The following TMPRSS3 variants were observed in gnomAD, a reference collection of about 807,000 sequenced individuals.
The protein encoded by TMPRSS3 is transmembrane protease serine 3.
Under a neutral mutation model 59.6 loss-of-function variants are expected in TMPRSS3, and 55 were observed. The observed-to-expected ratio is 0.92, with a 90% CI of 0.74 to 1.16. The LOEUF (loss-of-function observed/expected upper bound fraction) is 1.16. Among genes scored for constraint, TMPRSS3 ranks in the 50% most tolerant of loss-of-function variants. The probability of loss-of-function intolerance (pLI) is 0.00; values close to 1 mark genes in which losing one functional copy is unlikely to be tolerated. For missense variants in TMPRSS3, 596 were observed against 579.4 expected (o/e 1.03, Z -0.29); for synonymous variants, 257 against 237.7 (o/e 1.08, Z -0.75).
chr21:42,373,629 C>T (rs960199951), intron 12 of TMPRSS3, among the ~76,000 whole-genome samples: 1 of 152,236 alleles, frequency 6.6e-6, no homozygotes. Flanking sequence ...AGAGAGGCTT[C>T]TGCACCCCTA....
intron 3 of TMPRSS3, 190 bp from the exon 4 acceptor site, chr21:42,389,235 G>T: frequency 8.6e-7 from 1 of 1,164,642 alleles, no homozygotes. Context: ...TGGGGCTGCT[G>T]TGCCCCACTT....
In TMPRSS3 at chr21:42,383,199, C is replaced by CTA. The variant is rs34966432; in HGVS notation, c.617-3_617-2dup. 154,640 of 1,613,862 alleles carry CTA rather than the reference C, an allele frequency of 0.096. 9,652 individuals are homozygous for CTA. Among genetic ancestry groups the CTA allele is most frequent in the East Asian group, 0.31 (14,033 of 44,838 alleles). Reference sequence around the variant, plus strand: ...CTGTAGCCCCTTCTATGACCACAGGCTATGGAGGGGAACAAAGGCTTGTGG... The same window carrying CTA: ...CTGTAGCCCCTTCTATGACCACAGGCTATATGGAGGGGAACAAAGGCTTGTGG... On this transcript the variant is annotated splice_acceptor_variant, in intron 7 of 12. Coordinates refer to ENST00000644384, the MANE Select transcript of TMPRSS3 (RefSeq NM_001256317.3). LOFTEE classifies it high-confidence loss of function.
chr21:42,375,044 A>G (rs2052397542), intron 12 of TMPRSS3, among the ~76,000 whole-genome samples: 1 of 152,008 alleles, frequency 6.6e-6, no homozygotes, highest in South Asian at 2.1e-4. Flanking sequence ...CGCCCACATG[A>G]GAAAGGCGCC....
intron 12 of TMPRSS3, among the ~76,000 whole-genome samples, 174 bp from the exon 13 acceptor site, chr21:42,372,953 G>A (rs1470519512): frequency 6.6e-6 from 1 of 152,154 alleles, no homozygotes; most frequent in African/African-American, 2.4e-5. Flanking sequence ...TCCCAGGCAG[G>A]CATGAAAAGC....
At chr21:42,383,436 G>C in intron 7 of TMPRSS3, 1 of 595,712 alleles carries the variant, frequency 1.7e-6, no homozygotes, top group East Asian at 2.8e-5. Context: ...CACCTGCCCT[G>C]CTTGGTCAGT....
At chr21:42,376,799 G>C (rs1395678396) in intron 10 of TMPRSS3, 116 bp from the exon 11 acceptor site, 2 of 1,507,750 alleles carry the variant, frequency 1.3e-6, no homozygotes, top group Admixed American at 1.7e-5. Flanking sequence ...ATGCTCTCTG[G>C]TGTGTCGCAA....
intron 10 of TMPRSS3, among the ~76,000 whole-genome samples, chr21:42,379,214 G>A (rs576005194): frequency 6.6e-6 from 1 of 151,530 alleles, no homozygotes; most frequent in African/African-American, 2.4e-5. Flanking sequence ...TTTTTGTAGA[G>A]ACAGGGTCTT....
intron 2 of TMPRSS3, among the ~76,000 whole-genome samples, chr21:42,391,642 A>T (rs1285815434): frequency 6.6e-6 from 1 of 152,230 alleles, no homozygotes; most frequent in East Asian, 1.9e-4. Flanking sequence ...CGGCATACAC[A>T]GGCTGCTCCA....
chr21:42,389,041 G>C lies in TMPRSS3; in HGVS notation c.210C>G (p.His70Gln). 2 of 1,614,154 alleles carry C rather than the reference G, an allele frequency of 1.2e-6. No individual in the cohort carries two copies. The highest frequency in any genetic ancestry group is 1.7e-6 in the Non-Finnish European group (2 of 1,180,028). ...ATCTGTACTTCCCTGAGCAGTCGAAGTGGACTGGGAAAAGGGAGGAAGGCA... is the reference window on the plus strand; with the variant it reads ...ATCTGTACTTCCCTGAGCAGTCGAACTGGACTGGGAAAAGGGAGGAAGGCA... ...ILALAIGLGI[H>Q]FDCSGKYRCR... The change falls in exon 4 of 13, where the codon CAC becomes CAG. Residue 70 changes from histidine to glutamine, a missense_variant. Transcript: ENST00000644384.
intron 10 of TMPRSS3, among the ~76,000 whole-genome samples, chr21:42,378,932 T>A (rs1185688164): frequency 6.6e-6 from 1 of 152,100 alleles, no homozygotes; most frequent in Non-Finnish European, 1.5e-5. Flanking sequence ...TCACCCAAGC[T>A]GGAGTGGAGT....
At position 42,388,324 on chromosome 21, in the gene TMPRSS3, C is replaced by T; in HGVS notation, c.446+79G>A. 6.2e-7 allele frequency: 1 copy of T among 1,601,064 alleles called. No homozygotes were observed. Among genetic ancestry groups the T allele is most frequent in the East Asian group, 2.2e-5 (1 of 44,784 alleles). On this transcript the variant is annotated intron_variant, in intron 5 of 12. Coordinates refer to ENST00000644384, the MANE Select transcript of TMPRSS3 (RefSeq NM_001256317.3). This position sits in a 1 kb window ranked among gnomAD's most constrained non-coding sequence, Gnocchi z 5.1. ...GAGCGTTAAAGCACCCAATAGTGCCCAACTAAATGGTAGTTGTCTTTCTTT... is the reference window on the plus strand; with the variant it reads ...GAGCGTTAAAGCACCCAATAGTGCCTAACTAAATGGTAGTTGTCTTTCTTT...
intron 8 of TMPRSS3, chr21:42,382,497 G>A: frequency 1.9e-6 from 1 of 523,040 alleles, no homozygotes; most frequent in Non-Finnish European, 3.5e-6. Flanking sequence ...ACTCAACATT[G>A]GTCACTGCAA....
intron 9 of TMPRSS3, 151 bp downstream of exon 9, chr21:42,381,914 T>A (rs1271146713): frequency 5.0e-6 from 5 of 995,670 alleles, no homozygotes; most frequent in Non-Finnish European, 6.3e-6. Flanking sequence ...GATAATCAAC[T>A]GATGCCAACA....
Position 42,396,041 on chromosome 21 carries a change from C to G in TMPRSS3, c.-151G>C, listed in dbSNP as rs771916158. ...AAACACAGCCCTTTCCTGGCTCACACGGGCATGACCTAATTAAGAACGAAA... is the reference window on the plus strand; with the variant it reads ...AAACACAGCCCTTTCCTGGCTCACAGGGGCATGACCTAATTAAGAACGAAA... On this transcript the variant is annotated 5_prime_UTR_variant, in exon 1 of 13. Transcript: ENST00000644384. The G allele has an allele frequency of 3.9e-6, 2 of 518,992 alleles. No individual in the cohort carries two copies. The highest frequency in any genetic ancestry group is 1.4e-5 in the South Asian group (1 of 71,580). 32.1% of individuals were successfully genotyped at this position (518,992 alleles called of 1,614,324 possible).
intron 10 of TMPRSS3, among the ~76,000 whole-genome samples, chr21:42,377,066 GTCAC>G (rs1170980380): frequency 6.6e-6 from 1 of 152,232 alleles, no homozygotes; most frequent in African/African-American, 2.4e-5. Context: ...GCTCAGGAGG[GTCAC>G]TCACTCAGCG....
At position 42,383,070 on chromosome 21, in the gene TMPRSS3, G is replaced by A. The variant is rs376797288; in HGVS notation, c.745C>T (p.Pro249Ser). The A allele has an allele frequency of 9.9e-6, 16 of 1,614,054 alleles. No homozygotes were observed. Among genetic ancestry groups the A allele is most frequent in the South Asian group, 8.8e-5 (8 of 91,086 alleles). Residue 249 changes from proline (P) to serine (S), a missense_variant, in exon 8 of 13, where the codon CCC (proline) becomes TCC (serine). Pro to Ser is a moderately conservative substitution (Grantham distance 74, BLOSUM62 -1). Transcript: ENST00000644384. ...TGTGCAGCAGTGATGATCCACAGGGGCGTGATGACAGAGCCCCCGCACAGG... is the reference window on the plus strand; with the variant it reads ...TGTGCAGCAGTGATGATCCACAGGGACGTGATGACAGAGCCCCCGCACAGG... ...YHLCGGSVITPLWIITAAHCV... is the reference protein window; with the variant it reads ...YHLCGGSVITSLWIITAAHCV...
chr21:42,395,129 G>C (rs2052785337), intron 2 of TMPRSS3, among the ~76,000 whole-genome samples, 195 bp downstream of exon 2: 1 of 152,150 alleles, frequency 6.6e-6, no homozygotes. Context: ...AGAGAGCAAA[G>C]GGCTTAACGA....
At chr21:42,381,682 C>A (rs2052532109) in intron 9 of TMPRSS3, among the ~76,000 whole-genome samples, 3 of 152,204 alleles carry the variant, frequency 2.0e-5, no homozygotes, top group Non-Finnish European at 4.4e-5. Context: ...CCCACGAAGG[C>A]TCTAAAATTA....
intron 2 of TMPRSS3, among the ~76,000 whole-genome samples, chr21:42,391,507 A>G (rs1035252270): frequency 6.6e-6 from 1 of 152,202 alleles, no homozygotes; most frequent in African/African-American, 2.4e-5. Flanking sequence ...TTTACTGTCC[A>G]GTTTAACAAA....
Sources: gnomAD v4.1 joint callset for allele counts (sites outside exome capture counted in the v4.1 genomes callset) on GRCh38, gnomAD v4.1.1 for gene constraint, Gnocchi (gnomAD v3.1) non-coding constraint, MANE v1.5 for transcripts, NCBI Gene and HGNC (gene_info 2026-07-23, HGNC 2026-07-21) for gene names.